The following PCDHGA1 variants were observed in gnomAD, a reference collection of about 807,000 sequenced individuals.
PCDHGA1 encodes protocadherin gamma-A1.
PCDHGA1 carries 32 observed loss-of-function variants against 58.0 expected under a neutral mutation model. The observed-to-expected ratio is 0.55, with a 90% CI of 0.42 to 0.74. PCDHGA1 has a LOEUF of 0.74. Among genes scored for constraint, PCDHGA1 ranks in the 30% least tolerant of loss-of-function variants. The probability of loss-of-function intolerance (pLI) is 0.00; values close to 1 mark genes in which losing one functional copy is unlikely to be tolerated. For missense variants in PCDHGA1, 1,205 were observed against 1,182.3 expected (o/e 1.02, Z -0.28); for synonymous variants, 498 against 501.1 (o/e 0.99, Z 0.08).
intron 1 of PCDHGA1, chr5:141,428,173 CGGA>C (rs770477048): frequency 1.3e-6 from 2 of 1,514,730 alleles, no homozygotes. Context: ...CTGTGCGTGA[CGGA>C]GGACAGCCGC....
In PCDHGA1 at chr5:141,398,254, A is replaced by G. The variant is rs868152545; in HGVS notation, c.2421+65149A>G. 5.5e-6 allele frequency: 8 copies of G among 1,465,970 alleles called. No homozygotes were observed. In the African/African-American group the frequency reaches 8.6e-5, roughly 16 times the overall value. The allele number at this position is 1,465,970 out of a possible 1,614,324, so 90.8% of individuals were successfully genotyped here. On this transcript the variant is annotated intron_variant, in intron 1 of 3. Transcript: ENST00000517417. ...CTACAGGATTCCCGAGGAAATGCCC[A>G]AGGGCTCCGTAGTGGGGAACCTCGC... is the stretch of plus-strand genomic sequence containing the variant.
intron 1 of PCDHGA1, among the ~76,000 whole-genome samples, chr5:141,482,723 A>G (rs1441054551): frequency 2.3e-5 from 3 of 128,892 alleles, no homozygotes; most frequent in Non-Finnish European, 4.9e-5. Context: ...GGGAGGGGCC[A>G]TTGCAAGAAA....
At chr5:141,366,750 A>T (rs530762959) in intron 1 of PCDHGA1, 92 of 1,607,760 alleles carry the variant, frequency 5.7e-5, no homozygotes, top group Non-Finnish European at 7.1e-5. Flanking sequence ...CGGCGAGTTC[A>T]GGTTAGTTTT....
intron 1 of PCDHGA1, chr5:141,372,535 G>T (rs1257455687): frequency 1.9e-6 from 3 of 1,613,808 alleles, no homozygotes; most frequent in East Asian, 2.2e-5. Flanking sequence ...ATCTCCCTGC[G>T]CCTGCGATGC....
Position 141,332,320 on chromosome 5 carries a change from G to C in PCDHGA1, c.1636G>C (p.Val546Leu), listed in dbSNP as rs188815514. ...DSGDPPLSSN[V>L]SLSLFLLDQN... The stretch of plus-strand genomic sequence containing the variant: ...TGGGGATCCGCCCCTCAGCAGCAAC[G>C]TGTCTCTCAGCCTATTCCTGCTGGA... The change falls in exon 1 of 4, where the codon GTG becomes CTG. Residue 546 changes from valine to leucine, a missense_variant. Coordinates refer to ENST00000517417, the MANE Select transcript of PCDHGA1 (RefSeq NM_018912.3). The surrounding 1 kb of genome is among the most constrained non-coding windows in gnomAD (Gnocchi z 4.6). 8 of 1,614,170 alleles carry C rather than the reference G, an allele frequency of 5.0e-6. No individual in the cohort carries two copies. The highest frequency in any genetic ancestry group is 4.4e-5 in the South Asian group (4 of 91,080).
At chr5:141,345,274 A>T in intron 1 of PCDHGA1, 1 of 1,614,020 alleles carries the variant, frequency 6.2e-7, no homozygotes, top group Non-Finnish European at 8.5e-7. Context: ...GACCGCGAAC[A>T]AATATCAGAA....
At chr5:141,499,247 A>C (rs908111927) in intron 2 of PCDHGA1, among the ~76,000 whole-genome samples, 1 of 152,036 alleles carries the variant, frequency 6.6e-6, no homozygotes, top group Non-Finnish European at 1.5e-5. Flanking sequence ...CTCTGCACAA[A>C]GAGTCTCCAT....
intron 1 of PCDHGA1, chr5:141,423,540 C>T (rs961504938): frequency 6.2e-7 from 1 of 1,613,606 alleles, no homozygotes; most frequent in Non-Finnish European, 8.5e-7. Context: ...ACCTGATTTT[C>T]CCCCAGCCCA....
At chr5:141,422,142 G>T in intron 1 of PCDHGA1, 1 of 1,583,694 alleles carries the variant, frequency 6.3e-7, no homozygotes, top group Non-Finnish European at 8.5e-7. Flanking sequence ...TTCAAGTACG[G>T]GGGTCTCTGG....
intron 1 of PCDHGA1, chr5:141,372,557 C>T (rs1157406998): frequency 5.0e-6 from 8 of 1,614,048 alleles, no homozygotes; most frequent in Admixed American, 3.3e-5. Context: ...CCTCCAGACC[C>T]GCCACTGAGG....
chr5:141,350,118 T>C, intron 1 of PCDHGA1: 1 of 585,768 alleles, frequency 1.7e-6, no homozygotes, highest in Non-Finnish European at 2.6e-6. Context: ...CTTTGTCCGG[T>C]GCACTGAGCA....
chr5:141,432,400 G>A lies in PCDHGA1; in HGVS notation c.2422-62407G>A, dbSNP rs139153105. ...ACCCGCCCCTCAGCAGCAACGTGTC[G>A]TTGAGCCTGTTCGTGCTGGACCAGA... On this transcript the variant is annotated intron_variant, in intron 1 of 3. Transcript: ENST00000517417. The surrounding 1 kb of genome is among the most constrained non-coding windows in gnomAD (Gnocchi z 6.0). 5.6e-6 allele frequency: 9 copies of A among 1,614,122 alleles called. No homozygotes were observed. In the East Asian group the frequency reaches 6.7e-5, roughly 12 times the overall value.
chr5:141,469,880 C>T (rs774827232), intron 1 of PCDHGA1, among the ~76,000 whole-genome samples: 7 of 152,210 alleles, frequency 4.6e-5, no homozygotes, highest in East Asian at 1.9e-4. Flanking sequence ...CCTGTAATCT[C>T]GGCACTTTGG....
intron 1 of PCDHGA1, among the ~76,000 whole-genome samples, chr5:141,466,776 C>T (rs2099129231): frequency 6.6e-6 from 1 of 152,104 alleles, no homozygotes; most frequent in African/African-American, 2.4e-5. Flanking sequence ...TTATCTTATT[C>T]TTCTTAGTGC....
At chr5:141,473,168 A>G (rs1026233643) in intron 1 of PCDHGA1, among the ~76,000 whole-genome samples, 2 of 152,218 alleles carry the variant, frequency 1.3e-5, no homozygotes, top group Admixed American at 1.3e-4. Context: ...AGGAAGGCCC[A>G]CTGGTAACTT....
intron 1 of PCDHGA1, chr5:141,415,512 T>G (rs997659180): frequency 3.1e-6 from 5 of 1,614,234 alleles, no homozygotes; most frequent in Non-Finnish European, 4.2e-6. Context: ...AGCCCAATTA[T>G]GCGGACACGC....
At chr5:141,360,870 C>G in intron 1 of PCDHGA1, 2 of 1,613,990 alleles carry the variant, frequency 1.2e-6, no homozygotes, top group Admixed American at 1.7e-5. Flanking sequence ...TCAGCCAGGA[C>G]GTGTACAGGG....
chr5:141,480,946 G>A (rs1415705408), intron 1 of PCDHGA1, among the ~76,000 whole-genome samples: 1 of 152,172 alleles, frequency 6.6e-6, no homozygotes, highest in Non-Finnish European at 1.5e-5. Context: ...TCTAGAGGCT[G>A]AGGCGGAAGC....
chr5:141,335,099 G>A (rs1001716011), intron 1 of PCDHGA1, among the ~76,000 whole-genome samples: 3 of 152,148 alleles, frequency 2.0e-5, no homozygotes, highest in Non-Finnish European at 4.4e-5. Flanking sequence ...TTCTTGCTGT[G>A]TGTCTGTTGC....
Sources: allele counts gnomAD v4.1 joint callset (sites outside exome capture counted in the v4.1 genomes callset), GRCh38; gene constraint gnomAD v4.1.1; non-coding constraint Gnocchi (gnomAD v3.1); transcripts MANE v1.5; gene names NCBI Gene and HGNC (gene_info 2026-07-23, HGNC 2026-07-21).